The following WFDC11 variants were observed in gnomAD, a reference collection of about 807,000 sequenced individuals.
WFDC11 encodes WAP four-disulfide core domain 11.
Under a neutral mutation model 9.9 loss-of-function variants are expected in WFDC11, and 9 were observed. The observed-to-expected ratio is 0.91, with a 90% CI of 0.55 to 1.58. The LOEUF (loss-of-function observed/expected upper bound fraction) is 1.58, where lower values mean the gene tolerates loss of function less well. WFDC11 is among the 40% of genes most tolerant of loss of function. The pLI is 0.00. For synonymous variants in WFDC11, 32 were observed against 33.3 expected (o/e 0.96, Z 0.13); for missense variants, 106 against 101.7 (o/e 1.04, Z -0.18).
intron 2 of WFDC11, 99 bp from the exon 3 acceptor site, chr20:45,650,750 G>T: frequency 1.5e-6 from 1 of 646,486 alleles, no homozygotes; most frequent in South Asian, 2.1e-5. Flanking sequence ...ATTCCCCCTA[G>T]GCCTCTGCCT....
At chr20:45,649,119 G>C (rs1029126123) in intron 4 of WFDC11, 138 bp downstream of exon 4, 3 of 1,072,080 alleles carry the variant, frequency 2.8e-6, no homozygotes, top group Non-Finnish European at 4.1e-6. Context: ...TGCTTTCCAA[G>C]TTAAAGGGAC....
intron 2 of WFDC11, among the ~76,000 whole-genome samples, chr20:45,651,735 C>A (rs1285459657): frequency 6.7e-6 from 1 of 148,898 alleles, no homozygotes; most frequent in East Asian, 1.9e-4. Context: ...GTCACTCCGA[C>A]CCTAATACTG....
At chr20:45,657,572 TTAAAG>T (rs777241066) in intron 2 of WFDC11, among the ~76,000 whole-genome samples, 59 of 152,268 alleles carry the variant, frequency 3.9e-4, no homozygotes, top group Admixed American at 4.6e-4. Context: ...ACCCTAAAAC[TTAAAG>T]TATAATAAAA....
chr20:45,663,212 G>A (rs1052940965), intron 2 of WFDC11, among the ~76,000 whole-genome samples: 1 of 152,188 alleles, frequency 6.6e-6, no homozygotes, highest in Admixed American at 6.5e-5. Flanking sequence ...TTGCATAGAG[G>A]TGTTTCTAGT....
intron 2 of WFDC11, among the ~76,000 whole-genome samples, chr20:45,657,736 TA>T (rs1425355472): frequency 5.3e-5 from 8 of 152,246 alleles, no homozygotes; most frequent in African/African-American, 1.9e-4. Flanking sequence ...TAATGTTTTT[TA>T]TTTTCAGTAC....
In WFDC11 at chr20:45,649,411, A is replaced by G. The variant is rs779170521; in HGVS notation, c.101-12T>C. The stretch of plus-strand genomic sequence containing the variant: ...TAACAATTCCTTCCCTGAAATTGAG[A>G]TGAGATGGTCAAAGGTTGATGGTAT... On this transcript the variant is annotated splice_polypyrimidine_tract_variant and intron_variant, in intron 3 of 4. Coordinates refer to ENST00000324384, the MANE Select transcript of WFDC11 (RefSeq NM_147197.2). 1 of 1,613,228 alleles carries G rather than the reference A, an allele frequency of 6.2e-7. No homozygotes were observed. The highest frequency in any genetic ancestry group is 8.5e-7 in the Non-Finnish European group (1 of 1,179,914).
intron 2 of WFDC11, among the ~76,000 whole-genome samples, chr20:45,654,596 G>A (rs879211996): frequency 1.3e-5 from 2 of 151,986 alleles, no homozygotes; most frequent in Admixed American, 1.3e-4. Context: ...AGGAACTGAA[G>A]GAAATAGAGA....
At position 45,649,267 on chromosome 20, in the gene WFDC11, C is replaced by T. The variant is rs1446806910; in HGVS notation, c.233G>A (p.Trp78Ter). 1.2e-6 allele frequency: 2 copies of T among 1,613,932 alleles called. No homozygotes were observed. The highest frequency in any genetic ancestry group is 1.7e-5 in the Admixed American group (1 of 60,002). The change falls in exon 4 of 5, where the codon TGG (tryptophan) becomes TAG (stop). Residue 78 changes from tryptophan to a stop codon, truncating the protein, a stop_gained. Transcript: ENST00000324384. LOFTEE classifies it low-confidence loss of function (END_TRUNC). ...CCWTYCGNICWINVETSGDY is the reference protein window; with the variant it reads ...CCWTYCGNIC The stretch of plus-strand genomic sequence containing the variant: ...CATCTCCCAACTCACGACGTTTATC[C>T]AGCAGATGTTTCCACAATAGGTCCA...
chr20:45,662,455 G>A (rs1012154482), intron 2 of WFDC11, among the ~76,000 whole-genome samples: 1 of 152,100 alleles, frequency 6.6e-6, no homozygotes, highest in African/African-American at 2.4e-5. Flanking sequence ...CCAACACTAT[G>A]TTGAGTAGGA....
chr20:45,659,118 G>A (rs1398585150), intron 2 of WFDC11, among the ~76,000 whole-genome samples: 1 of 152,182 alleles, frequency 6.6e-6, no homozygotes, highest in Admixed American at 6.5e-5. Context: ...ATCATTGATG[G>A]ACATTTGGGT....
intron 1 of WFDC11, among the ~76,000 whole-genome samples, chr20:45,668,973 C>T (rs531642892): frequency 6.6e-6 from 1 of 152,230 alleles, no homozygotes; most frequent in East Asian, 1.9e-4. Context: ...TACCAATTCT[C>T]TCTTCATAAT....
At chr20:45,654,758 C>T (rs898575615) in intron 2 of WFDC11, among the ~76,000 whole-genome samples, 5 of 151,968 alleles carry the variant, frequency 3.3e-5, no homozygotes, top group Admixed American at 1.3e-4. Context: ...ATATCAACAC[C>T]GATCCCACAG....
intron 2 of WFDC11, among the ~76,000 whole-genome samples, chr20:45,662,730 T>C (rs949771429): frequency 1.3e-5 from 2 of 152,236 alleles, no homozygotes; most frequent in Non-Finnish European, 2.9e-5. Flanking sequence ...GTTTATTGAT[T>C]TGTGAATGTT....
intron 3 of WFDC11, among the ~76,000 whole-genome samples, 175 bp from the exon 4 acceptor site, chr20:45,649,574 T>C (rs1982756991): frequency 6.6e-6 from 1 of 152,222 alleles, no homozygotes; most frequent in Admixed American, 6.5e-5. Context: ...ATTCCTGTCA[T>C]TATACATTCA....
At chr20:45,652,239 C>G (rs953355915) in intron 2 of WFDC11, among the ~76,000 whole-genome samples, 4 of 152,186 alleles carry the variant, frequency 2.6e-5, no homozygotes, top group Admixed American at 2.6e-4. Context: ...ACAAAACTTC[C>G]AGAGGAACGA....
intron 2 of WFDC11, among the ~76,000 whole-genome samples, chr20:45,655,795 A>C: frequency 6.6e-6 from 1 of 152,268 alleles, no homozygotes. Context: ...AATAACAGAC[A>C]AACAGAGAGC....
At chr20:45,653,661 T>G (rs969325157) in intron 2 of WFDC11, among the ~76,000 whole-genome samples, 3 of 152,124 alleles carry the variant, frequency 2.0e-5, no homozygotes, top group African/African-American at 2.4e-5. Flanking sequence ...TCAAGACCCA[T>G]CAGTGTGTTG....
chr20:45,658,210 G>GGT (rs138721023), intron 2 of WFDC11, among the ~76,000 whole-genome samples: 3,473 of 151,132 alleles, frequency 0.023, 141 homozygotes, highest in African/African-American at 0.08. Context: ...CTTATTATTT[G>GGT]GTGTGTGTGT....
rs1949250174 is a variant in WFDC11 at position 45,648,576 on chromosome 20, G to T, written c.*143C>A. The T allele has an allele frequency of 1.2e-6, 1 of 865,824 alleles. No homozygotes were observed. The allele number at this position is 865,824 out of a possible 1,614,324, so 53.6% of individuals were successfully genotyped here. ...AGGCAAGGCCACTACTGGTAAATAA[G>T]TTTATTTGTCAAGTGTTTGCTGTTG... is the stretch of plus-strand genomic sequence containing the variant. On this transcript the variant is annotated 3_prime_UTR_variant, in exon 5 of 5. Coordinates refer to ENST00000324384, the MANE Select transcript of WFDC11 (RefSeq NM_147197.2).
Sources: gnomAD v4.1 joint callset for allele counts (sites outside exome capture counted in the v4.1 genomes callset) on GRCh38, gnomAD v4.1.1 for gene constraint, MANE v1.5 for transcripts, NCBI Gene and HGNC (gene_info 2026-07-23, HGNC 2026-07-21) for gene names.